The following FRMD6 variants were observed in gnomAD, a reference collection of about 807,000 sequenced individuals.
The protein encoded by FRMD6 is FERM domain-containing protein 6.
A neutral mutation model predicts 73.2 loss-of-function variants in FRMD6; 37 were observed. That is an observed-to-expected ratio of 0.51 (90% CI 0.39 to 0.66). FRMD6 has a LOEUF of 0.66. Ranked by LOEUF, FRMD6 falls within the 30% of genes least tolerant of loss-of-function variation. The probability of loss-of-function intolerance (pLI) is 0.00; values close to 1 mark genes in which losing one functional copy is unlikely to be tolerated. For missense variants in FRMD6, 714 were observed against 780.5 expected (o/e 0.91, Z 1.02); for synonymous variants, 273 against 282.2 (o/e 0.97, Z 0.33).
chr14:51,519,103 A>C (rs768586002), intron 1 of FRMD6, among the ~76,000 whole-genome samples: 8 of 152,016 alleles, frequency 5.3e-5, no homozygotes, highest in Non-Finnish European at 8.8e-5. Context: ...TAGTTCTTGC[A>C]TTTCTAACAC....
rs192273295 is a variant in FRMD6 at position 51,489,252 on chromosome 14, G to A, written c.-378G>A. 4.7e-3 allele frequency: 710 copies of A among 152,350 alleles called. 9 individuals are homozygous for A. The highest frequency in any genetic ancestry group is 0.028 in the East Asian group (142 of 5,162). 9.4% of individuals were successfully genotyped at this position (152,350 alleles called of 1,614,324 possible). On this transcript the variant is annotated 5_prime_UTR_variant, in exon 1 of 15. Transcript: ENST00000356218. ...AGCACCCCACTCTGGCACTCAAAAA[G>A]CCATGGGAATGGGAAAGAAGTGGCT...
chr14:51,549,887 G>A (rs1331084686), intron 1 of FRMD6, among the ~76,000 whole-genome samples: 4 of 152,156 alleles, frequency 2.6e-5, no homozygotes, highest in African/African-American at 7.2e-5. Flanking sequence ...GGGCCACCGC[G>A]CCCGGCCAGC....
intron 1 of FRMD6, among the ~76,000 whole-genome samples, chr14:51,688,932 A>T (rs117286548): frequency 6.6e-6 from 1 of 152,254 alleles, no homozygotes; most frequent in African/African-American, 2.4e-5. Flanking sequence ...AATACAGTTA[A>T]TATGTTTAAT....
chr14:51,516,078 A>G (rs6572769), intron 1 of FRMD6, among the ~76,000 whole-genome samples: 87,427 of 151,924 alleles, frequency 0.58, 26,168 homozygotes, highest in African/African-American at 0.72. Flanking sequence ...AGTTCTGTGG[A>G]GAGAGGGGAA....
At chr14:51,608,394 G>GT (rs1890350524) in intron 2 of FRMD6, among the ~76,000 whole-genome samples, 1 of 152,188 alleles carries the variant, frequency 6.6e-6, no homozygotes, top group Non-Finnish European at 1.5e-5. Flanking sequence ...GAAAATGGCT[G>GT]TAGTAGTAAT....
intron 1 of FRMD6, among the ~76,000 whole-genome samples, chr14:51,525,140 G>GTGGA (rs71121650): frequency 0.033 from 4,891 of 148,596 alleles, 118 homozygotes; most frequent in East Asian, 0.075. Context: ...TGATAGGTGG[G>GTGGA]TGGATGGATG....
At chr14:51,469,199 A>C in the FRMD6 span, among the ~76,000 whole-genome samples, 1 of 151,530 alleles carries the variant, frequency 6.6e-6, no homozygotes, top group South Asian at 2.1e-4. Context: ...TAGGCCTCCC[A>C]AAGTGCTGGG....
intron 7 of FRMD6, among the ~76,000 whole-genome samples, chr14:51,708,793 T>A (rs980762197): frequency 6.6e-6 from 1 of 152,142 alleles, no homozygotes; most frequent in African/African-American, 2.4e-5. Context: ...AGAGATTAAA[T>A]GAATCACCTA....
chr14:51,653,502 G>A (rs1303458924), intron 1 of FRMD6, among the ~76,000 whole-genome samples: 3 of 152,118 alleles, frequency 2.0e-5, no homozygotes, highest in Non-Finnish European at 2.9e-5. Flanking sequence ...TTCCTTCTTA[G>A]AGCAGTGCAT....
intron 2 of FRMD6, among the ~76,000 whole-genome samples, chr14:51,645,869 C>T (rs1892042074): frequency 6.6e-6 from 1 of 152,160 alleles, no homozygotes; most frequent in Non-Finnish European, 1.5e-5. Flanking sequence ...ACAGAATGGA[C>T]AGGTTTCATA....
At chr14:51,429,265 TC>T in the FRMD6 span, among the ~76,000 whole-genome samples, 1 of 152,168 alleles carries the variant, frequency 6.6e-6, no homozygotes, top group Non-Finnish European at 1.5e-5. Flanking sequence ...CAATTCCTCT[TC>T]CTCAAAATTG....
At chr14:51,460,733 A>C in the FRMD6 span, among the ~76,000 whole-genome samples, 1 of 152,324 alleles carries the variant, frequency 6.6e-6, no homozygotes, top group South Asian at 2.1e-4. Flanking sequence ...CATGTTCTCA[A>C]CTGGAACTAA....
chr14:51,525,121 A>AGATAGATG lies in FRMD6; in HGVS notation c.-210+35703_-210+35704insTAGATGGA, dbSNP rs1885169186. Reference sequence around the variant, plus strand: ...TAGATAGATAGATAGATAGATAGATAGAGACAGATGATAGGTGGGTGGATG... The same window carrying AGATAGATG: ...TAGATAGATAGATAGATAGATAGATAGATAGATGGAGACAGATGATAGGTGGGTGGATG... On this transcript the variant is annotated intron_variant, in intron 1 of 14. Transcript: ENST00000356218. 2.0e-5 allele frequency among the ~76,000 whole-genome samples: 3 copies of AGATAGATG among 150,456 alleles called. No individual in the cohort carries two copies. The South Asian group carries it at 6.4e-4, about 32-fold the overall frequency.
intron 1 of FRMD6, among the ~76,000 whole-genome samples, chr14:51,501,361 C>T (rs1883612056): frequency 6.6e-6 from 1 of 152,140 alleles, no homozygotes; most frequent in African/African-American, 2.4e-5. Context: ...CTGATGCTCT[C>T]CCTCCCCCAA....
At chr14:51,639,697 G>T (rs1891735063) in intron 2 of FRMD6, among the ~76,000 whole-genome samples, 1 of 152,090 alleles carries the variant, frequency 6.6e-6, no homozygotes, top group South Asian at 2.1e-4. Context: ...CCACCCTTTT[G>T]AACTTGTCGT....
the FRMD6 span, among the ~76,000 whole-genome samples, chr14:51,477,162 G>T: frequency 6.6e-6 from 1 of 152,302 alleles, no homozygotes; most frequent in Non-Finnish European, 1.5e-5. Context: ...GACATAGCTT[G>T]TAAAATGTTT....
Position 51,657,704 on chromosome 14 carries a change from A to G in FRMD6, c.-147+5708A>G, listed in dbSNP as rs139513032. On this transcript the variant is annotated intron_variant, in intron 1 of 13. Coordinates refer to ENST00000344768, the MANE Select transcript of FRMD6 (RefSeq NM_001267046.2). ...GTTGAAAGCAGAGTATGGTCTTAAA[A>G]TTAAAAGAGAAAAAGTAACGTTAGA... is the stretch of plus-strand genomic sequence containing the variant. 7.9e-5 allele frequency among the ~76,000 whole-genome samples: 12 copies of G among 152,310 alleles called. No homozygotes were observed. In the East Asian group the frequency reaches 2.3e-3, roughly 29 times the overall value.
At chr14:51,573,661 G>A (rs138783328) in intron 2 of FRMD6, among the ~76,000 whole-genome samples, 76 of 152,296 alleles carry the variant, frequency 5.0e-4, no homozygotes, top group African/African-American at 1.6e-3. Context: ...CACGCTGGTC[G>A]TTTGTATTCA....
chr14:51,677,660 G>A (rs1205298876), intron 1 of FRMD6, among the ~76,000 whole-genome samples: 5 of 152,126 alleles, frequency 3.3e-5, no homozygotes, highest in Admixed American at 3.3e-4. Context: ...CTTGTTGGTT[G>A]CCTATCTAAC....
Sources: gnomAD v4.1 joint callset for allele counts (sites outside exome capture counted in the v4.1 genomes callset) on GRCh38, gnomAD v4.1.1 for gene constraint, MANE v1.5 for transcripts, NCBI Gene and HGNC (gene_info 2026-07-23, HGNC 2026-07-21) for gene names.